Variants in TFCP2 observed in about 807,000 individuals in gnomAD.
The protein encoded by TFCP2 is transcription factor CP2.
In TFCP2, 33 loss-of-function variants were observed where a neutral mutation model predicts 73.4. That is an observed-to-expected ratio of 0.45 (90% CI 0.34 to 0.60). The LOEUF is 0.60. Among genes scored for constraint, TFCP2 ranks in the 20% least tolerant of loss-of-function variants. TFCP2 has a pLI of 0.01. For missense variants in TFCP2, 352 were observed against 604.0 expected (o/e 0.58, Z 4.37); for synonymous variants, 193 against 211.6 (o/e 0.91, Z 0.76).
chr12:51,158,340 T>C lies in TFCP2; in HGVS notation c.122+13961A>G, dbSNP rs960875143. ...TTATAATCTTATAGGACCACTGTTA[T>C]CTATTCGGTCTGTCACTGACCAAAA... On this transcript the variant is annotated intron_variant, in intron 1 of 14. Coordinates refer to ENST00000257915, the MANE Select transcript of TFCP2 (RefSeq NM_005653.5). 9.2e-5 allele frequency among the ~76,000 whole-genome samples: 14 copies of C among 152,196 alleles called. No individual in the cohort carries two copies. In the South Asian group the frequency reaches 1.5e-3, roughly 16 times the overall value.
Position 51,095,237 on chromosome 12 carries a change from ACTC to A in TFCP2, c.*1_*3del. On this transcript the variant is annotated 3_prime_UTR_variant, in exon 15 of 15. Transcript: ENST00000257915. ...GCAGCCACTGGGCACGAAACGCCGC[ACTC>A]CTACTTCAGTATGATATGATAGCTA... 2 of 1,613,774 alleles carry A rather than the reference ACTC, an allele frequency of 1.2e-6. No individual in the cohort carries two copies. The highest frequency in any genetic ancestry group is 4.5e-5 in the East Asian group (2 of 44,866).
At chr12:51,166,091 G>C (rs1257785513) in intron 1 of TFCP2, among the ~76,000 whole-genome samples, 2 of 151,998 alleles carry the variant, frequency 1.3e-5, no homozygotes, top group East Asian at 1.9e-4. Flanking sequence ...AAGGCAGGTG[G>C]ATCACCTGAG....
intron 1 of TFCP2, among the ~76,000 whole-genome samples, chr12:51,149,387 C>T (rs1941372132): frequency 6.6e-6 from 1 of 151,554 alleles, no homozygotes; most frequent in East Asian, 1.9e-4. Context: ...ATTAATGTAA[C>T]CAAACACTAC....
chr12:51,096,779 C>A (rs1234554613), intron 13 of TFCP2, among the ~76,000 whole-genome samples: 2 of 151,972 alleles, frequency 1.3e-5, no homozygotes, highest in Non-Finnish European at 2.9e-5. Flanking sequence ...GGAATCAAGT[C>A]CCTCAGCATT....
intron 1 of TFCP2, among the ~76,000 whole-genome samples, chr12:51,163,521 C>G (rs1486426824): frequency 6.6e-6 from 1 of 151,542 alleles, no homozygotes; most frequent in Admixed American, 6.6e-5. Flanking sequence ...ACTTGGGAGG[C>G]AGAGGTTGCA....
At chr12:51,117,881 CT>C in intron 2 of TFCP2, 134 bp from the exon 3 acceptor site, 2 of 605,228 alleles carry the variant, frequency 3.3e-6, no homozygotes, top group South Asian at 4.5e-5. Flanking sequence ...AATCAGAAGC[CT>C]TTACAAGATG....
chr12:51,172,494 G>C lies in TFCP2; in HGVS notation c.-72C>G, dbSNP rs1365268154. ...CGCGGAGGGTAATTCTACCCAACAG[G>C]AGTAACGCAAACCAAGAAAACTACA... On this transcript the variant is annotated 5_prime_UTR_variant, in exon 1 of 15. Coordinates refer to ENST00000257915, the MANE Select transcript of TFCP2 (RefSeq NM_005653.5). 1.9e-6 allele frequency: 3 copies of C among 1,592,730 alleles called. No individual in the cohort carries two copies. The highest frequency in any genetic ancestry group is 2.2e-5 in the East Asian group (1 of 44,656).
chr12:51,096,174 T>C, intron 13 of TFCP2, 134 bp from the exon 14 acceptor site: 1 of 654,186 alleles, frequency 1.5e-6, no homozygotes, highest in Non-Finnish European at 2.5e-6. Flanking sequence ...ATGTATTTCT[T>C]GAATATCTAG....
intron 1 of TFCP2, among the ~76,000 whole-genome samples, chr12:51,123,192 C>G (rs202008146): frequency 6.6e-6 from 1 of 152,194 alleles, no homozygotes; most frequent in African/African-American, 2.4e-5. Context: ...AAAATTAACT[C>G]AAAACAGTAC....
In TFCP2 at chr12:51,105,239, G is replaced by A. The variant is rs1029079814; in HGVS notation, c.918-1036C>T. On this transcript the variant is annotated intron_variant, in intron 8 of 14. Transcript: ENST00000257915. ...CTCCCAAGTAGCTGGGATTACAGGC[G>A]CCCGCCGCCACACCTGGCTAATTTT... Among the ~76,000 whole-genome samples the A allele has an allele frequency of 1.1e-4, 16 of 151,918 alleles. No homozygotes were observed. The East Asian group carries it at 1.2e-3, about 11-fold the overall frequency.
Position 51,146,237 on chromosome 12 carries a change from G to A in TFCP2, c.122+26064C>T, listed in dbSNP as rs138384985. 1.6e-4 allele frequency among the ~76,000 whole-genome samples: 24 copies of A among 151,996 alleles called. No individual in the cohort carries two copies. In the East Asian group the frequency reaches 4.1e-3, roughly 26 times the overall value. On this transcript the variant is annotated intron_variant, in intron 1 of 14. Coordinates refer to ENST00000257915, the MANE Select transcript of TFCP2 (RefSeq NM_005653.5). ...GTAGGAGGACTGCCTGAGCCCAGTA[G>A]TTTGAGGCTGCAGTGAGTCAAGCTT... is the stretch of plus-strand genomic sequence containing the variant.
chr12:51,155,475 T>C (rs1244010441), intron 1 of TFCP2, among the ~76,000 whole-genome samples: 1 of 152,240 alleles, frequency 6.6e-6, no homozygotes, highest in Non-Finnish European at 1.5e-5. Flanking sequence ...GTTTTTCACA[T>C]AGGCTATGCC....
intron 11 of TFCP2, 86 bp from the exon 12 acceptor site, chr12:51,099,865 A>G: frequency 2.0e-6 from 3 of 1,527,718 alleles, no homozygotes; most frequent in Admixed American, 1.8e-5. Context: ...TTCTACATTA[A>G]TCGTATAGAG....
intron 1 of TFCP2, among the ~76,000 whole-genome samples, chr12:51,128,360 A>G (rs556152966): frequency 1.2e-4 from 18 of 152,248 alleles, no homozygotes; most frequent in Non-Finnish European, 2.2e-4. Context: ...TGGCATTAGG[A>G]GATATACCTA....
chr12:51,125,043 G>A lies in TFCP2; in HGVS notation c.123-6271C>T, dbSNP rs747321717. ...AGCCACCACTGACTTGAGGATCTCGGTCGTGATGTACGTCAGCACAGGCTC... is the reference window on the plus strand; with the variant it reads ...AGCCACCACTGACTTGAGGATCTCGATCGTGATGTACGTCAGCACAGGCTC... On this transcript the variant is annotated intron_variant, in intron 1 of 14. Transcript: ENST00000257915. 1.2e-5 allele frequency: 9 copies of A among 745,400 alleles called. No individual in the cohort carries two copies. The South Asian group carries it at 1.3e-4, about 10-fold the overall frequency. The allele number at this position is 745,400 out of a possible 1,614,324, so 46.2% of individuals were successfully genotyped here.
At chr12:51,124,411 TTTCTTC>T (rs773163583) in intron 1 of TFCP2, among the ~76,000 whole-genome samples, 1 of 152,146 alleles carries the variant, frequency 6.6e-6, no homozygotes, top group Non-Finnish European at 1.5e-5. Flanking sequence ...ATTTTTTTCT[TTTCTTC>T]TTCTTCTTTT....
chr12:51,148,161 A>C (rs1263845760), intron 1 of TFCP2, among the ~76,000 whole-genome samples: 1 of 152,226 alleles, frequency 6.6e-6, no homozygotes, highest in Non-Finnish European at 1.5e-5. Context: ...ATGTGGTAAA[A>C]AGGGAACACT....
rs144523482 is a variant in TFCP2 at position 51,158,654 on chromosome 12, A to G, written c.122+13647T>C. 3.3e-3 allele frequency among the ~76,000 whole-genome samples: 495 copies of G among 151,682 alleles called. 9 individuals carry two copies. The East Asian group carries it at 0.045, about 14-fold the overall frequency. ...CAGGCATGAGCCACCATGCCCAGCT[A>G]ATTTTTATATTTTTAGTAAAGACAG... On this transcript the variant is annotated intron_variant, in intron 1 of 14. Transcript: ENST00000257915.
chr12:51,159,195 GAA>G (rs56728137), intron 1 of TFCP2, among the ~76,000 whole-genome samples: 1 of 135,606 alleles, frequency 7.4e-6, no homozygotes, highest in East Asian at 2.2e-4. Flanking sequence ...AAAAGAAAAA[GAA>G]AAAAAAAAAG....
Sources: allele counts gnomAD v4.1 joint callset (sites outside exome capture counted in the v4.1 genomes callset), GRCh38; gene constraint gnomAD v4.1.1; transcripts MANE v1.5; gene names NCBI Gene and HGNC (gene_info 2026-07-23, HGNC 2026-07-21).